ROBO2: variants seen among roughly 807,000 people sequenced by gnomAD.
The protein encoded by ROBO2 is roundabout guidance receptor 2.
In ROBO2, 53 loss-of-function variants were observed where a neutral mutation model predicts 160.8. That is an observed-to-expected ratio of 0.33 (90% CI 0.26 to 0.41). The LOEUF (loss-of-function observed/expected upper bound fraction) is 0.41, where lower values mean the gene tolerates loss of function less well. Ranked by LOEUF, ROBO2 falls within the 10% of genes least tolerant of loss-of-function variation. ROBO2 has a pLI of 1.00. For synonymous variants in ROBO2, 664 were observed against 611.7 expected (o/e 1.09, Z -1.26); for missense variants, 1,577 against 1,722.4 (o/e 0.92, Z 1.49).
intron 2 of ROBO2, among the ~76,000 whole-genome samples, chr3:76,100,360 A>G (rs189166647): frequency 8.5e-5 from 13 of 152,324 alleles, no homozygotes; most frequent in East Asian, 7.7e-4. Flanking sequence ...ACCAATGTCT[A>G]TGTGGAACTA....
At chr3:77,430,385 C>T (rs2153541078) in intron 2 of ROBO2, among the ~76,000 whole-genome samples, 1 of 152,060 alleles carries the variant, frequency 6.6e-6, no homozygotes, top group African/African-American at 2.4e-5. Flanking sequence ...GGCCATTGGT[C>T]AGAGGTGTGC....
Position 76,397,421 on chromosome 3 carries a change from C to T in ROBO2, c.109+459819C>T, listed in dbSNP as rs1003391227. Among the ~76,000 whole-genome samples, 80 of 152,194 alleles carry T rather than the reference C, an allele frequency of 5.3e-4. 2 individuals carry two copies. The highest frequency in any genetic ancestry group is 4.8e-3 in the Admixed American group (73 of 15,266). ...TTCAGGACATAGGCATGGGCAAGGA[C>T]TTCATGTCTAAAACACCAAAAGCAA... On this transcript the variant is annotated intron_variant, in intron 2 of 26. Transcript: ENST00000487694.
At chr3:77,338,244 T>C (rs903299924) in intron 2 of ROBO2, among the ~76,000 whole-genome samples, 3 of 152,156 alleles carry the variant, frequency 2.0e-5, no homozygotes, top group African/African-American at 4.8e-5. Context: ...CATTTCCACA[T>C]TGAGTCTTTT....
intron 2 of ROBO2, among the ~76,000 whole-genome samples, chr3:77,104,030 G>C (rs1281181489): frequency 6.6e-6 from 1 of 152,026 alleles, no homozygotes; most frequent in Non-Finnish European, 1.5e-5. Context: ...TCAATCCATA[G>C]AGAGCTTTTT....
chr3:77,354,560 G>GGAAA (rs2068799285), intron 2 of ROBO2, among the ~76,000 whole-genome samples: 1 of 152,134 alleles, frequency 6.6e-6, no homozygotes, highest in Non-Finnish European at 1.5e-5. Context: ...AAGAATTTGG[G>GGAAA]GAAAGATTGT....
At position 76,411,380 on chromosome 3, in the gene ROBO2, T is replaced by C. The variant is rs191970950; in HGVS notation, c.109+473778T>C. Among the ~76,000 whole-genome samples the C allele has an allele frequency of 2.5e-3, 373 of 152,128 alleles. 2 individuals carry two copies. The highest frequency in any genetic ancestry group is 4.3e-3 in the Non-Finnish European group (294 of 67,986). On this transcript the variant is annotated intron_variant, in intron 2 of 26. Transcript: ENST00000487694. Reference sequence around the variant, plus strand: ...TATAATACATGCAGTAATAGAAACATACAAAATAAATTGAAATAACAGATA... The same window carrying C: ...TATAATACATGCAGTAATAGAAACACACAAAATAAATTGAAATAACAGATA...
intron 2 of ROBO2, among the ~76,000 whole-genome samples, chr3:76,657,682 A>AGG (rs1206134822): frequency 8.5e-6 from 1 of 117,114 alleles, no homozygotes; most frequent in African/African-American, 3.7e-5. Context: ...ATATATACAT[A>AGG]TATGTGTGTA....
intron 2 of ROBO2, among the ~76,000 whole-genome samples, chr3:77,236,914 C>T (rs1443696691): frequency 1.3e-5 from 2 of 152,110 alleles, no homozygotes; most frequent in African/African-American, 4.8e-5. Flanking sequence ...GCCTAGATTG[C>T]CTAGGCTGGA....
intron 2 of ROBO2, among the ~76,000 whole-genome samples, chr3:76,005,366 C>T (rs1358652188): frequency 6.6e-6 from 1 of 152,170 alleles, no homozygotes; most frequent in Non-Finnish European, 1.5e-5. Flanking sequence ...ATCAAATATT[C>T]TACAGCTTGA....
chr3:76,275,563 A>G (rs916237238), intron 2 of ROBO2, among the ~76,000 whole-genome samples: 2 of 152,168 alleles, frequency 1.3e-5, no homozygotes, highest in African/African-American at 4.8e-5. Flanking sequence ...TTGGACAGGA[A>G]TCTTAGCAGC....
At chr3:76,138,293 TA>T (rs921384807) in intron 2 of ROBO2, among the ~76,000 whole-genome samples, 28 of 151,936 alleles carry the variant, frequency 1.8e-4, no homozygotes, top group African/African-American at 6.7e-4. Flanking sequence ...TGTGAAAAAT[TA>T]AAAAAACAAG....
chr3:76,674,079 G>A (rs2092341904), intron 2 of ROBO2, among the ~76,000 whole-genome samples: 1 of 151,890 alleles, frequency 6.6e-6, no homozygotes, highest in South Asian at 2.1e-4. Flanking sequence ...ATATATTCTA[G>A]CCAATCACAA....
At chr3:77,538,586 T>A (rs1405289941) in intron 6 of ROBO2, among the ~76,000 whole-genome samples, 1 of 152,200 alleles carries the variant, frequency 6.6e-6, no homozygotes, top group Non-Finnish European at 1.5e-5. Flanking sequence ...TTTTCTATTA[T>A]AAATACATTG....
chr3:76,720,420 A>C (rs1238603285), intron 2 of ROBO2, among the ~76,000 whole-genome samples: 1 of 152,188 alleles, frequency 6.6e-6, no homozygotes, highest in African/African-American at 2.4e-5. Flanking sequence ...AATGTTTGCC[A>C]TTCAGAAAAA....
At chr3:76,368,980 AAACT>A (rs1261285018) in intron 2 of ROBO2, among the ~76,000 whole-genome samples, 2 of 152,120 alleles carry the variant, frequency 1.3e-5, no homozygotes, top group East Asian at 3.9e-4. Flanking sequence ...GAAACAAAAC[AAACT>A]CTCACAATAA....
At chr3:76,925,228 A>T (rs112149407) in intron 2 of ROBO2, among the ~76,000 whole-genome samples, 4,517 of 147,518 alleles carry the variant, frequency 0.031, 217 homozygotes, top group African/African-American at 0.1. Context: ...AAAAAAAAAA[A>T]AAATCTGGTT....
chr3:77,394,861 G>C (rs1224541625), intron 2 of ROBO2, among the ~76,000 whole-genome samples: 1 of 152,064 alleles, frequency 6.6e-6, no homozygotes, highest in Non-Finnish European at 1.5e-5. Flanking sequence ...ATATCGACAA[G>C]CTTCTAACCG....
At chr3:76,061,882 C>T (rs1220335989) in intron 2 of ROBO2, among the ~76,000 whole-genome samples, 4 of 152,106 alleles carry the variant, frequency 2.6e-5, no homozygotes, top group African/African-American at 9.7e-5. Context: ...CAGGGGCCAC[C>T]CGCATTCTTT....
At chr3:76,598,665 TA>T (rs1452760034) in intron 2 of ROBO2, among the ~76,000 whole-genome samples, 1 of 152,204 alleles carries the variant, frequency 6.6e-6, no homozygotes, top group Non-Finnish European at 1.5e-5. Context: ...CACTTGAAGA[TA>T]TTTTTTAAAG....
Sources: gnomAD v4.1 joint callset for allele counts (sites outside exome capture counted in the v4.1 genomes callset) on GRCh38, gnomAD v4.1.1 for gene constraint, MANE v1.5 for transcripts, NCBI Gene and HGNC (gene_info 2026-07-23, HGNC 2026-07-21) for gene names.